TMEM184B: variants seen among roughly 807,000 people sequenced by gnomAD.
TMEM184B encodes transmembrane protein 184B.
In TMEM184B, 17 loss-of-function variants were observed where a neutral mutation model predicts 41.8. The ratio of observed to expected loss-of-function variants is 0.41; its 90% CI spans 0.28 to 0.61. The LOEUF (loss-of-function observed/expected upper bound fraction) is 0.61. Among genes scored for constraint, TMEM184B ranks in the 20% least tolerant of loss-of-function variants. TMEM184B has a pLI of 0.34. For synonymous variants in TMEM184B, 240 were observed against 229.5 expected (o/e 1.05, Z -0.41); for missense variants, 393 against 557.8 (o/e 0.70, Z 2.98).
chr22:38,233,061 G>A (rs1247255467), intron 3 of TMEM184B, among the ~76,000 whole-genome samples: 1 of 152,204 alleles, frequency 6.6e-6, no homozygotes, highest in Non-Finnish European at 1.5e-5. Flanking sequence ...CACACACGGG[G>A]CACACCACAA....
rs1379049874 is a variant in TMEM184B, at chr22:38,219,847, GCCC to G, written c.*1619_*1621del. On this transcript the variant is annotated 3_prime_UTR_variant, in exon 9 of 9. Transcript: ENST00000361906. ...CGGGCAGCTTGGGCCCAACTGCTCCGCCCCCCCAAGATGGAGGGGGAGAGCTGG... is the reference window on the plus strand; with the variant it reads ...CGGGCAGCTTGGGCCCAACTGCTCCGCCCCAAGATGGAGGGGGAGAGCTGG... 5.9e-5 allele frequency: 58 copies of G among 985,268 alleles called. No individual in the cohort carries two copies. The East Asian group carries it at 4.4e-3, about 75-fold the overall frequency. 61.0% of individuals were successfully genotyped at this position (985,268 alleles called of 1,614,324 possible).
chr22:38,226,634 G>A lies in TMEM184B; in HGVS notation c.617+145C>T, dbSNP rs2091448105. On this transcript the variant is annotated intron_variant, in intron 6 of 8. Coordinates refer to ENST00000361906, the MANE Select transcript of TMEM184B (RefSeq NM_012264.5). This position sits in a 1 kb window ranked among gnomAD's most constrained non-coding sequence, Gnocchi z 4.6. ...CAACTGCAAGGGTGTCCACTGCTGGGCTCAGACTTCAGGGGGGTTGTGAGC... is the reference window on the plus strand; with the variant it reads ...CAACTGCAAGGGTGTCCACTGCTGGACTCAGACTTCAGGGGGGTTGTGAGC... The A allele has an allele frequency of 5.1e-6, 4 of 779,064 alleles. No individual in the cohort carries two copies. The South Asian group carries it at 6.8e-5, about 13-fold the overall frequency. 48.3% of individuals were successfully genotyped at this position (779,064 alleles called of 1,614,324 possible). A position where few individuals can be genotyped will look rare whatever the true frequency, so the allele number is the denominator to read the frequency against.
At position 38,221,091 on chromosome 22, in the gene TMEM184B, G is replaced by A; in HGVS notation, c.*378C>T. The A allele has an allele frequency of 9.3e-7, 1 of 1,078,892 alleles. No individual in the cohort carries two copies. The highest frequency in any genetic ancestry group is 1.1e-6 in the Non-Finnish European group (1 of 888,384). The allele number at this position is 1,078,892 out of a possible 1,614,324, so 66.8% of individuals were successfully genotyped here. On this transcript the variant is annotated 3_prime_UTR_variant, in exon 9 of 9. Coordinates refer to ENST00000361906, the MANE Select transcript of TMEM184B (RefSeq NM_012264.5). The stretch of plus-strand genomic sequence containing the variant: ...GGGGAGCCACGGCTTGCCGACCTCA[G>A]CCTGAGAGTCTCGCGGGGAGGAGGG...
rs1168909871 is a variant in TMEM184B, at chr22:38,249,063, C to T, written c.-58-1044G>A. ...TCTAGCCATTCCGCATCCTCGAACA[C>T]GCGGGTCTGTCACCACTCACATGTT... On this transcript the variant is annotated intron_variant, in intron 1 of 8. Coordinates refer to ENST00000361906, the MANE Select transcript of TMEM184B (RefSeq NM_012264.5). 3.3e-5 allele frequency among the ~76,000 whole-genome samples: 5 copies of T among 152,312 alleles called. No individual in the cohort carries two copies. The East Asian group carries it at 5.8e-4, about 18-fold the overall frequency.
At chr22:38,224,405 T>C (rs576356220) in intron 8 of TMEM184B, among the ~76,000 whole-genome samples, 24 of 152,312 alleles carry the variant, frequency 1.6e-4, no homozygotes, top group Middle Eastern at 3.4e-3. Context: ...TGAGCCACCG[T>C]GCCCGGCCAG....
At chr22:38,267,261 G>A (rs559342647) in intron 1 of TMEM184B, among the ~76,000 whole-genome samples, 1 of 152,096 alleles carries the variant, frequency 6.6e-6, no homozygotes, top group South Asian at 2.1e-4. Context: ...GGCTTTCTGG[G>A]TGGATCTTCC....
In TMEM184B at chr22:38,231,323, AG is replaced by A; in HGVS notation, c.369del (p.Tyr124IlefsTer4). 2 of 1,614,164 alleles carry A rather than the reference AG, an allele frequency of 1.2e-6. No individual in the cohort carries two copies. The highest frequency in any genetic ancestry group is 1.7e-6 in the Non-Finnish European group (2 of 1,180,004). On this transcript the variant is annotated frameshift_variant, in exon 4 of 9. Coordinates refer to ENST00000361906, the MANE Select transcript of TMEM184B (RefSeq NM_012264.5). LOFTEE classifies it high-confidence loss of function. ...TCATAGCACAGGCTCAGGAAATTAT[AG>A]ATGACCAAGGCTGCGAAGAGAGTGT... ...TVRDCYEALV[I>X]YNFLSLCYEY...
chr22:38,219,145 C>G (rs1270017557), downstream of TMEM184B: 2 of 595,620 alleles, frequency 3.4e-6, no homozygotes, highest in East Asian at 2.8e-4. Context: ...TGACCTTGGT[C>G]CCTATCAATC....
At chr22:38,250,722 G>A (rs1290865500) in intron 1 of TMEM184B, among the ~76,000 whole-genome samples, 1 of 152,018 alleles carries the variant, frequency 6.6e-6, no homozygotes, top group Non-Finnish European at 1.5e-5. Context: ...TTTTGTTCAT[G>A]ACTAAGGGCG....
intron 3 of TMEM184B, among the ~76,000 whole-genome samples, chr22:38,236,877 C>T (rs1007541709): frequency 5.3e-5 from 8 of 152,192 alleles, no homozygotes; most frequent in African/African-American, 1.9e-4. Context: ...GGTAACCCCT[C>T]AGCAGACTTT....
intron 1 of TMEM184B, among the ~76,000 whole-genome samples, chr22:38,271,423 G>A (rs1336581451): frequency 6.6e-6 from 1 of 152,216 alleles, no homozygotes; most frequent in East Asian, 1.9e-4. Flanking sequence ...TACCGCATCT[G>A]CAAATAGGGA....
chr22:38,230,665 A>G lies in TMEM184B; in HGVS notation c.525+4T>C, dbSNP rs1236514033. ...TGAGCTAGGCAGCTGCTGGGGGCACACACCTGTTTGCAGAACCTCAGAAAT... is the reference window on the plus strand; with the variant it reads ...TGAGCTAGGCAGCTGCTGGGGGCACGCACCTGTTTGCAGAACCTCAGAAAT... On this transcript the variant is annotated splice_donor_region_variant and intron_variant, in intron 5 of 8. Transcript: ENST00000361906. 1 of 1,609,042 alleles carries G rather than the reference A, an allele frequency of 6.2e-7. No homozygotes were observed. Among genetic ancestry groups the G allele is most frequent in the Non-Finnish European group, 8.5e-7 (1 of 1,177,978 alleles).
intron 1 of TMEM184B, among the ~76,000 whole-genome samples, chr22:38,262,895 TTTTAA>T (rs2092391695): frequency 6.6e-6 from 1 of 152,134 alleles, no homozygotes; most frequent in Non-Finnish European, 1.5e-5. Context: ...GTCCTTATGT[TTTTAA>T]TTTATTTTAT....
intron 1 of TMEM184B, among the ~76,000 whole-genome samples, chr22:38,249,337 T>TG (rs1450480690): frequency 2.0e-5 from 3 of 152,118 alleles, no homozygotes; most frequent in Non-Finnish European, 2.9e-5. Flanking sequence ...TTTGTAGAGA[T>TG]GGGGGTCTCC....
At chr22:38,253,998 C>T (rs1227922119) in intron 1 of TMEM184B, among the ~76,000 whole-genome samples, 3 of 151,992 alleles carry the variant, frequency 2.0e-5, no homozygotes, top group Non-Finnish European at 2.9e-5. Flanking sequence ...GTCAGGAGTT[C>T]GAGATCAGCC....
intron 8 of TMEM184B, chr22:38,224,197 C>T (rs977756577): frequency 5.9e-5 from 9 of 152,230 alleles, no homozygotes; most frequent in African/African-American, 1.9e-4. Flanking sequence ...TCACTGCAAG[C>T]TCCGCCTCCT....
Position 38,226,604 on chromosome 22 carries a change from G to T in TMEM184B, c.617+175C>A. 1.7e-6 allele frequency: 1 copy of T among 594,204 alleles called. No homozygotes were observed. Among genetic ancestry groups the T allele is most frequent in the Admixed American group, 2.9e-5 (1 of 35,046 alleles). The allele number at this position is 594,204 out of a possible 1,614,324, so 36.8% of individuals were successfully genotyped here. On this transcript the variant is annotated intron_variant, in intron 6 of 8. Coordinates refer to ENST00000361906, the MANE Select transcript of TMEM184B (RefSeq NM_012264.5). This position sits in a 1 kb window ranked among gnomAD's most constrained non-coding sequence, Gnocchi z 4.6. ...AATGGCTCACTCCGGGGCTGGCAGC[G>T]GGGCCAACTGCAAGGGTGTCCACTG...
chr22:38,238,981 C>T (rs1011223435), intron 3 of TMEM184B, among the ~76,000 whole-genome samples: 1 of 152,196 alleles, frequency 6.6e-6, no homozygotes, highest in Non-Finnish European at 1.5e-5. Flanking sequence ...TGAAATGCCA[C>T]GCAAACATTC....
At chr22:38,221,914 G>A in intron 8 of TMEM184B, 1 of 730,204 alleles carries the variant, frequency 1.4e-6, no homozygotes, top group Non-Finnish European at 2.2e-6. Context: ...GAGCCCCAAG[G>A]GGAGGCTGGA....
Sources: gnomAD v4.1 joint callset for allele counts (sites outside exome capture counted in the v4.1 genomes callset) on GRCh38, gnomAD v4.1.1 for gene constraint, Gnocchi (gnomAD v3.1) non-coding constraint, MANE v1.5 for transcripts, NCBI Gene and HGNC (gene_info 2026-07-23, HGNC 2026-07-21) for gene names.